PRIM2: variants seen among roughly 807,000 people sequenced by gnomAD.
PRIM2 encodes DNA primase large subunit.
Under a neutral mutation model 67.3 loss-of-function variants are expected in PRIM2, and 39 were observed. That is an observed-to-expected ratio of 0.58 (90% CI 0.45 to 0.76). The LOEUF (loss-of-function observed/expected upper bound fraction) is 0.76, where lower values mean the gene tolerates loss of function less well. Ranked by LOEUF, PRIM2 falls within the 30% of genes least tolerant of loss-of-function variation. The pLI, the probability that PRIM2 is intolerant of heterozygous loss-of-function variation, is 0.00. For missense variants in PRIM2, 398 were observed against 598.7 expected, an observed-to-expected ratio of 0.66 and a Z score of 3.50; for synonymous variants, 143 against 198.7, an observed-to-expected ratio of 0.72 and a Z score of 2.36.
chr6:57,644,738 T>C (rs1777305376), intron 13 of PRIM2, among the ~76,000 whole-genome samples: 2 of 152,194 alleles, frequency 1.3e-5, no homozygotes, highest in Non-Finnish European at 2.9e-5. Flanking sequence ...ATGGAATAAC[T>C]TCTCAGTTTC....
chr6:57,337,568 A>T (rs1768300042), intron 5 of PRIM2, among the ~76,000 whole-genome samples: 1 of 152,150 alleles, frequency 6.6e-6, no homozygotes, highest in East Asian at 1.9e-4. Flanking sequence ...ACTCAAAACC[A>T]CTCAACTACA....
intron 7 of PRIM2, among the ~76,000 whole-genome samples, chr6:57,475,483 C>T (rs1444337171): frequency 6.6e-6 from 1 of 152,200 alleles, no homozygotes; most frequent in Non-Finnish European, 1.5e-5. Context: ...TGGTTTCTTT[C>T]AGGTAGCACG....
In PRIM2 at chr6:57,368,296, T is replaced by C. The variant is rs144193731; in HGVS notation, c.460-11605T>C. Among the ~76,000 whole-genome samples, 376 of 152,114 alleles carry C rather than the reference T, an allele frequency of 2.5e-3. 1 individual carries two copies. Among genetic ancestry groups the C allele is most frequent in the African/African-American group, 8.7e-3 (362 of 41,480 alleles). ...CACTAATGGACCTTAAAAAAAAACA[T>C]ACAGCTCAGGGCTTCAGTCTGTAGG... On this transcript the variant is annotated intron_variant, in intron 5 of 13. Transcript: ENST00000615550.
At chr6:57,533,084 T>G (rs1774926535) in intron 9 of PRIM2, among the ~76,000 whole-genome samples, 1 of 152,082 alleles carries the variant, frequency 6.6e-6, no homozygotes, top group Non-Finnish European at 1.5e-5. Context: ...GCCCCATCTC[T>G]AAATATAGTC....
intron 12 of PRIM2, among the ~76,000 whole-genome samples, chr6:57,619,397 A>T (rs1468865571): frequency 3.3e-5 from 5 of 152,182 alleles, no homozygotes; most frequent in African/African-American, 1.2e-4. Context: ...TTCACCAGCA[A>T]TCGATCCAAA....
chr6:57,350,572 G>A (rs1236201702), intron 5 of PRIM2, among the ~76,000 whole-genome samples: 1 of 152,076 alleles, frequency 6.6e-6, no homozygotes, highest in Admixed American at 6.5e-5. Flanking sequence ...AGTAGGTCGG[G>A]GTGATCTCTT....
At chr6:57,506,710 T>C (rs1352732579) in intron 7 of PRIM2, among the ~76,000 whole-genome samples, 24 of 152,084 alleles carry the variant, frequency 1.6e-4, no homozygotes, top group Non-Finnish European at 2.2e-4. Flanking sequence ...AAAATAGAGA[T>C]ACATAGATAT....
chr6:57,288,405 C>G, the PRIM2 span, among the ~76,000 whole-genome samples: 3 of 152,220 alleles, frequency 2.0e-5, no homozygotes, highest in Non-Finnish European at 4.4e-5. Context: ...TTCCGAAGAC[C>G]TAAACATTCC....
chr6:57,302,979 T>G, the PRIM2 span, among the ~76,000 whole-genome samples: 1 of 152,146 alleles, frequency 6.6e-6, no homozygotes, highest in Non-Finnish European at 1.5e-5. Flanking sequence ...TAATGTAATG[T>G]AAAAAAGCCC....
intron 7 of PRIM2, among the ~76,000 whole-genome samples, chr6:57,430,840 G>A (rs5023872): frequency 1.3e-5 from 2 of 152,132 alleles, no homozygotes; most frequent in African/African-American, 4.8e-5. Flanking sequence ...ATCTCTTAAT[G>A]TAGGTTTTGT....
At chr6:57,530,674 A>G (rs1401322113) in intron 8 of PRIM2, among the ~76,000 whole-genome samples, 2 of 151,448 alleles carry the variant, frequency 1.3e-5, no homozygotes, top group African/African-American at 4.9e-5. Context: ...CTTAGCCTGT[A>G]GGAGGAGGAC....
At position 57,380,016 on chromosome 6, in the gene PRIM2, A is replaced by G; in HGVS notation, c.555+20A>G. Reference sequence around the variant, plus strand: ...TATAAGGTATGTAAACATGTAAAATACTTCCTAGGTTTTGTTAAATATGTC... The same window carrying G: ...TATAAGGTATGTAAACATGTAAAATGCTTCCTAGGTTTTGTTAAATATGTC... On this transcript the variant is annotated intron_variant, in intron 6 of 13. Coordinates refer to ENST00000615550, the MANE Select transcript of PRIM2 (RefSeq NM_000947.5). 1.3e-6 allele frequency: 2 copies of G among 1,534,110 alleles called. No homozygotes were observed. Among genetic ancestry groups the G allele is most frequent in the East Asian group, 2.4e-5 (1 of 40,886 alleles).
intron 12 of PRIM2, among the ~76,000 whole-genome samples, chr6:57,628,042 G>A (rs1776982789): frequency 6.6e-6 from 1 of 152,182 alleles, no homozygotes; most frequent in Non-Finnish European, 1.5e-5. Flanking sequence ...AGGTGCTCTG[G>A]TTCTTTCAGA....
intron 7 of PRIM2, among the ~76,000 whole-genome samples, chr6:57,468,509 T>A (rs1773258790): frequency 6.6e-6 from 1 of 152,202 alleles, no homozygotes. Context: ...AGGTTTTTGA[T>A]GTGCTGCTGG....
chr6:57,602,174 C>T (rs1776482652), intron 11 of PRIM2, among the ~76,000 whole-genome samples: 1 of 152,000 alleles, frequency 6.6e-6, no homozygotes, highest in Non-Finnish European at 1.5e-5. Context: ...ATTCTCCTGC[C>T]TCAGCCTCCT....
chr6:57,253,947 T>C, the PRIM2 span, among the ~76,000 whole-genome samples: 3 of 152,260 alleles, frequency 2.0e-5, no homozygotes, highest in African/African-American at 7.2e-5. Context: ...AAAGACATTG[T>C]TGTCATGATG....
chr6:57,489,828 A>G (rs1295472597), intron 7 of PRIM2, among the ~76,000 whole-genome samples: 11 of 152,374 alleles, frequency 7.2e-5, no homozygotes, highest in Non-Finnish European at 1.3e-4. Context: ...TATAGGGGTG[A>G]CTGAGGCTGT....
At chr6:57,392,076 T>G (rs114732343) in intron 7 of PRIM2, among the ~76,000 whole-genome samples, 65 of 152,206 alleles carry the variant, frequency 4.3e-4, no homozygotes, top group Non-Finnish European at 8.2e-4. Flanking sequence ...TTCTTATTGT[T>G]GCGATCTTTC....
intron 7 of PRIM2, among the ~76,000 whole-genome samples, chr6:57,464,265 G>A (rs1773109873): frequency 6.6e-6 from 1 of 151,870 alleles, no homozygotes; most frequent in African/African-American, 2.4e-5. Flanking sequence ...GCTGTCTTTT[G>A]TATTTCTTTT....
Sources: gnomAD v4.1 joint callset for allele counts (sites outside exome capture counted in the v4.1 genomes callset) on GRCh38, gnomAD v4.1.1 for gene constraint, MANE v1.5 for transcripts, NCBI Gene and HGNC (gene_info 2026-07-23, HGNC 2026-07-21) for gene names.